The following DYRK2 variants were observed in gnomAD, a reference collection of about 807,000 sequenced individuals.
The protein encoded by DYRK2 is dual specificity tyrosine phosphorylation regulated kinase 2.
Under a neutral mutation model 41.6 loss-of-function variants are expected in DYRK2, and 12 were observed. The ratio of observed to expected loss-of-function variants is 0.29; its 90% CI spans 0.18 to 0.47. The LOEUF (loss-of-function observed/expected upper bound fraction) is 0.47, where lower values mean the gene tolerates loss of function less well. Ranked by LOEUF, DYRK2 falls within the 20% of genes least tolerant of loss-of-function variation. The pLI is 1.00. For missense variants in DYRK2, 678 were observed against 798.4 expected (o/e 0.85, Z 1.82); for synonymous variants, 322 against 315.7 (o/e 1.02, Z -0.21).
Position 67,657,689 on chromosome 12 carries a change from G to A in DYRK2, c.782G>A (p.Arg261Gln), listed in dbSNP as rs752139842. 7.4e-6 allele frequency: 12 copies of A among 1,613,808 alleles called. No homozygotes were observed. The highest frequency in any genetic ancestry group is 1.1e-5 in the South Asian group (1 of 91,066). ...KMVRNEKRFHRQAAEEIRILE... is the reference protein window; with the variant it reads ...KMVRNEKRFHQQAAEEIRILE... ...GTGCGGAATGAGAAGCGCTTCCACC[G>A]GCAAGCAGCGGAGGAGATCCGAATC... Residue 261 changes from arginine to glutamine, a missense_variant, in exon 3 of 3, where the codon CGG (arginine) becomes CAG (glutamine). This residue lies in a region of DYRK2 where 393 missense variants were observed against 519.1 expected (regional missense o/e 0.76). Transcript: ENST00000344096. This position sits in a 1 kb window ranked among gnomAD's most constrained non-coding sequence, Gnocchi z 4.8.
rs1216644887 is a variant in DYRK2 at position 67,663,302 on chromosome 12, A to T, written c.*4589A>T. Reference sequence around the variant, plus strand: ...TTAGTACCAAGCTAAGAGTTTACTTACAGATGACAGCAAGCAGATGCTCTA... The same window carrying T: ...TTAGTACCAAGCTAAGAGTTTACTTTCAGATGACAGCAAGCAGATGCTCTA... On this transcript the variant is annotated 3_prime_UTR_variant, in exon 3 of 3. Transcript: ENST00000344096. 6.6e-6 allele frequency: 1 copy of T among 152,132 alleles called. No individual in the cohort carries two copies. Among genetic ancestry groups the T allele is most frequent in the Non-Finnish European group, 1.5e-5 (1 of 67,982 alleles). The allele number at this position is 152,132 out of a possible 1,614,324, so 9.4% of individuals were successfully genotyped here.
chr12:67,654,705 T>C (rs1872416322), intron 2 of DYRK2, among the ~76,000 whole-genome samples: 1 of 152,164 alleles, frequency 6.6e-6, no homozygotes, highest in South Asian at 2.1e-4. Flanking sequence ...CTTCTTTTTA[T>C]CAAAAATGGA....
rs1592713734 is a variant in DYRK2, at chr12:67,657,041, T to G, written c.199-65T>G. 6.9e-7 allele frequency: 1 copy of G among 1,448,826 alleles called. No homozygotes were observed. Among genetic ancestry groups the G allele is most frequent in the Admixed American group, 2.6e-5 (1 of 38,494 alleles). 89.7% of individuals were successfully genotyped at this position (1,448,826 alleles called of 1,614,324 possible). ...TTGGGGGCGGTGGTGTTGTTGGGGG[T>G]TACTTATACACCATTTGAACAGACA... On this transcript the variant is annotated intron_variant, in intron 2 of 2. Transcript: ENST00000344096. This position sits in a 1 kb window ranked among gnomAD's most constrained non-coding sequence, Gnocchi z 4.8.
rs747669756 is a variant in DYRK2 at position 67,658,226 on chromosome 12, T to C, written c.1319T>C (p.Met440Thr). Residue 440 changes from methionine to threonine, a missense_variant, in exon 3 of 3, where the codon ATG (methionine) becomes ACG (threonine). Met to Thr is a moderately conservative substitution (Grantham distance 81). Around this residue, in one of 2 missense-constraint regions of DYRK2, gnomAD observed 393 missense variants for 519.1 expected, o/e 0.76. Transcript: ENST00000344096. The surrounding 1 kb of genome is among the most constrained non-coding windows in gnomAD (Gnocchi z 4.3). ...QLACMIELLGMPSQKLLDASK... is the reference protein window; with the variant it reads ...QLACMIELLGTPSQKLLDASK... Reference sequence around the variant, plus strand: ...GCCTGTATGATTGAACTGTTGGGCATGCCCTCACAGAAACTGCTGGATGCA... The same window carrying C: ...GCCTGTATGATTGAACTGTTGGGCACGCCCTCACAGAAACTGCTGGATGCA... The C allele has an allele frequency of 3.1e-6, 5 of 1,614,182 alleles. No individual in the cohort carries two copies. The highest frequency in any genetic ancestry group is 4.2e-6 in the Non-Finnish European group (5 of 1,180,038).
Position 67,657,010 on chromosome 12 carries a change from G to A in DYRK2, c.199-96G>A. The A allele has an allele frequency of 7.7e-7, 1 of 1,292,796 alleles. No individual in the cohort carries two copies. Among genetic ancestry groups the A allele is most frequent in the Non-Finnish European group, 1.0e-6 (1 of 970,292 alleles). The allele number at this position is 1,292,796 out of a possible 1,614,324, so 80.1% of individuals were successfully genotyped here. A position where few individuals can be genotyped will look rare whatever the true frequency, so the allele number is the denominator to read the frequency against. Reference sequence around the variant, plus strand: ...TCAAACCAAATGGGATTTTGTAAATGTGAGGTTGGGGGCGGTGGTGTTGTT... The same window carrying A: ...TCAAACCAAATGGGATTTTGTAAATATGAGGTTGGGGGCGGTGGTGTTGTT... On this transcript the variant is annotated intron_variant, in intron 2 of 2. Transcript: ENST00000344096. This position sits in a 1 kb window ranked among gnomAD's most constrained non-coding sequence, Gnocchi z 4.8.
At chr12:67,649,646 C>G (rs1003313700) in intron 1 of DYRK2, 151 bp from the exon 2 acceptor site, 7 of 883,418 alleles carry the variant, frequency 7.9e-6, no homozygotes, top group Middle Eastern at 3.9e-4. Flanking sequence ...GCTGGGGAGC[C>G]GTGACCCGAA....
intron 2 of DYRK2, among the ~76,000 whole-genome samples, chr12:67,653,783 A>G (rs919867182): frequency 1.3e-5 from 2 of 152,212 alleles, no homozygotes; most frequent in African/African-American, 4.8e-5. Flanking sequence ...AGGGCTTACT[A>G]TATGCCTGGG....
rs1872672882 is a variant in DYRK2, at chr12:67,663,414, C to T, written c.*4701C>T. ...CTACCTCACATCATTATTTATTTCC[C>T]TTCTGTTACCAACAGCCAAGGAATT... On this transcript the variant is annotated 3_prime_UTR_variant, in exon 3 of 3. Transcript: ENST00000344096. The T allele has an allele frequency of 6.6e-6, 1 of 152,100 alleles. No homozygotes were observed. The highest frequency in any genetic ancestry group is 1.5e-5 in the Non-Finnish European group (1 of 67,982). 9.4% of individuals were successfully genotyped at this position (152,100 alleles called of 1,614,324 possible). A position where few individuals can be genotyped will look rare whatever the true frequency, so the allele number is the denominator to read the frequency against.
Position 67,661,141 on chromosome 12 carries a change from C to T in DYRK2, c.*2428C>T, listed in dbSNP as rs1872612451. ...AAATACAGTGAAATTTTTTTATTCA[C>T]AAGAGCTGCCACATCTCAGCATTTA... On this transcript the variant is annotated 3_prime_UTR_variant, in exon 3 of 3. Coordinates refer to ENST00000344096, the MANE Select transcript of DYRK2 (RefSeq NM_006482.3). 1 of 165,710 alleles carries T rather than the reference C, an allele frequency of 6.0e-6. No homozygotes were observed. The highest frequency in any genetic ancestry group is 1.5e-5 in the Non-Finnish European group (1 of 67,936). The allele number at this position is 165,710 out of a possible 1,614,324, so 10.3% of individuals were successfully genotyped here.
intron 1 of DYRK2, 75 bp downstream of exon 1, chr12:67,649,257 C>T (rs1872231782): frequency 1.7e-6 from 2 of 1,189,538 alleles, no homozygotes; most frequent in African/African-American, 1.6e-5. Flanking sequence ...CGCGGGCGGC[C>T]GCTGCCTGCG....
chr12:67,649,087 G>C lies in DYRK2; in HGVS notation c.-47G>C. ...GGCCGCCAGAAGTAGCAGCAGGACC[G>C]GCGGCGGCGACGGCAGCCCTGAAAT... On this transcript the variant is annotated 5_prime_UTR_variant, in exon 1 of 3. Transcript: ENST00000344096. 1 of 1,448,196 alleles carries C rather than the reference G, an allele frequency of 6.9e-7. No individual in the cohort carries two copies. The highest frequency in any genetic ancestry group is 1.3e-5 in the South Asian group (1 of 74,836). The allele number at this position is 1,448,196 out of a possible 1,614,324, so 89.7% of individuals were successfully genotyped here. A position where few individuals can be genotyped will look rare whatever the true frequency, so the allele number is the denominator to read the frequency against.
intron 2 of DYRK2, chr12:67,651,647 T>C (rs1306083260): frequency 2.2e-6 from 1 of 455,256 alleles, no homozygotes; most frequent in Non-Finnish European, 4.4e-6. Context: ...TATTAGATGC[T>C]TGACTTTGAA....
chr12:67,651,612 G>T lies in DYRK2; in HGVS notation c.198+1667G>T, dbSNP rs774111701. The T allele has an allele frequency of 9.0e-5, 41 of 455,928 alleles. 1 individual carries two copies. Among genetic ancestry groups the T allele is most frequent in the Middle Eastern group, 3.2e-4 (1 of 3,090 alleles). The allele number at this position is 455,928 out of a possible 1,614,324, so 28.2% of individuals were successfully genotyped here. On this transcript the variant is annotated intron_variant, in intron 2 of 2. Transcript: ENST00000344096. The stretch of plus-strand genomic sequence containing the variant: ...CCAGATTTACTTGTTTTTAACGTGT[G>T]TGTAAACTTCGGTATGCTGTTAATT...
chr12:67,650,820 C>T (rs770523994), intron 2 of DYRK2, among the ~76,000 whole-genome samples: 3 of 152,012 alleles, frequency 2.0e-5, no homozygotes, highest in East Asian at 1.9e-4. Flanking sequence ...TCTTTTTTTC[C>T]CAATTGGATT....
In DYRK2 at chr12:67,658,665, C is replaced by T; in HGVS notation, c.1758C>T (p.Ala586=). Residue 586 remains alanine (A), a synonymous_variant, in exon 3 of 3, where the codon GCC becomes GCT. Transcript: ENST00000344096. The surrounding 1 kb of genome is among the most constrained non-coding windows in gnomAD (Gnocchi z 4.3). ...LRTNLAQMTD[A]NGNIQQRTVL... The stretch of plus-strand genomic sequence containing the variant: ...CTAATTTGGCGCAGATGACAGATGC[C>T]AATGGGAATATTCAGCAGAGGACAG... The T allele has an allele frequency of 6.2e-7, 1 of 1,613,634 alleles. No individual in the cohort carries two copies. The highest frequency in any genetic ancestry group is 8.5e-7 in the Non-Finnish European group (1 of 1,179,778).
In DYRK2 at chr12:67,657,961, G is replaced by A; in HGVS notation, c.1054G>A (p.Glu352Lys). 1 of 1,614,210 alleles carries A rather than the reference G, an allele frequency of 6.2e-7. No homozygotes were observed. Among genetic ancestry groups the A allele is most frequent in the Non-Finnish European group, 8.5e-7 (1 of 1,180,044 alleles). ...NRIIHCDLKP[E>K]NILLKQQGRS... is the part of the protein sequence containing the mutation. The stretch of plus-strand genomic sequence containing the variant: ...AATAATTCACTGTGACCTTAAGCCC[G>A]AGAACATTTTGTTAAAGCAGCAGGG... Residue 352 changes from glutamate (E) to lysine (K), a missense_variant, in exon 3 of 3, where the codon GAG (glutamate) becomes AAG (lysine). Glu to Lys is a moderately conservative substitution (Grantham distance 56). Transcript: ENST00000344096. The surrounding 1 kb of genome is among the most constrained non-coding windows in gnomAD (Gnocchi z 4.8).
At position 67,661,845 on chromosome 12, in the gene DYRK2, A is replaced by C. The variant is rs938683581; in HGVS notation, c.*3132A>C. The C allele has an allele frequency of 6.0e-6, 1 of 166,788 alleles. No individual in the cohort carries two copies. The highest frequency in any genetic ancestry group is 1.5e-5 in the Non-Finnish European group (1 of 68,080). 10.3% of individuals were successfully genotyped at this position (166,788 alleles called of 1,614,324 possible). ...TAGACAAAAATCAACTGTATTTGTA[A>C]AAATTTACCTCAAACCATTTAATTT... On this transcript the variant is annotated 3_prime_UTR_variant, in exon 3 of 3. Coordinates refer to ENST00000344096, the MANE Select transcript of DYRK2 (RefSeq NM_006482.3).
chr12:67,650,404 C>T (rs1453697645), intron 2 of DYRK2, among the ~76,000 whole-genome samples: 1 of 152,252 alleles, frequency 6.6e-6, no homozygotes, highest in Non-Finnish European at 1.5e-5. Context: ...CCTCCCAGGC[C>T]TGGCTCCAGC....
rs1339341648 is a variant in DYRK2 at position 67,661,557 on chromosome 12, G to GCATGC, written c.*2845_*2849dup. 4 of 167,050 alleles carry GCATGC rather than the reference G, an allele frequency of 2.4e-5. No individual in the cohort carries two copies. Among genetic ancestry groups the GCATGC allele is most frequent in the Non-Finnish European group, 5.9e-5 (4 of 68,102 alleles). 10.3% of individuals were successfully genotyped at this position (167,050 alleles called of 1,614,324 possible). On this transcript the variant is annotated 3_prime_UTR_variant, in exon 3 of 3. Coordinates refer to ENST00000344096, the MANE Select transcript of DYRK2 (RefSeq NM_006482.3). Reference sequence around the variant, plus strand: ...TTTGTTCTGAATGCCATGTTGTAGGGCATGCATTTTTTGGCCTCTTTAACT... The same window carrying GCATGC: ...TTTGTTCTGAATGCCATGTTGTAGGGCATGCCATGCATTTTTTGGCCTCTTTAACT...
Sources: gnomAD v4.1 joint callset for allele counts (sites outside exome capture counted in the v4.1 genomes callset) on GRCh38, gnomAD v4.1.1 for gene constraint, gnomAD v4.1.1 regional missense constraint, Gnocchi (gnomAD v3.1) non-coding constraint, MANE v1.5 for transcripts, NCBI Gene and HGNC (gene_info 2026-07-23, HGNC 2026-07-21) for gene names.